The following FGF12 variants were observed in gnomAD, a reference collection of about 807,000 sequenced individuals.
FGF12 encodes the protein fibroblast growth factor 12B.
FGF12 carries 14 observed loss-of-function variants against 23.6 expected under a neutral mutation model. The ratio of observed to expected loss-of-function variants is 0.59; its 90% CI spans 0.39 to 0.93. The LOEUF is 0.93. Ranked by LOEUF, FGF12 falls within the 40% of genes least tolerant of loss-of-function variation. The pLI, the probability that FGF12 is intolerant of heterozygous loss-of-function variation, is 0.00. For missense variants in FGF12, 175 were observed against 217.8 expected (o/e 0.80, Z 1.24); for synonymous variants, 62 against 77.3 (o/e 0.80, Z 1.04).
At chr3:192,273,206 G>A (rs1416653453) in intron 4 of FGF12, among the ~76,000 whole-genome samples, 1 of 152,096 alleles carries the variant, frequency 6.6e-6, no homozygotes, top group African/African-American at 2.4e-5. Context: ...GTGTTAATGG[G>A]GAAATCCATT....
intron 4 of FGF12, among the ~76,000 whole-genome samples, chr3:192,312,864 T>TAA (rs1716031908): frequency 6.6e-6 from 1 of 152,202 alleles, no homozygotes; most frequent in Admixed American, 6.5e-5. Context: ...CGTATAGTGT[T>TAA]TGCCTTTGTC....
rs573154456 is a variant in FGF12 at position 192,177,940 on chromosome 3, G to A, written c.229-7284C>T. On this transcript the variant is annotated intron_variant, in intron 4 of 5. Transcript: ENST00000445105. ...CCCTTTCTGGCATTATAACACATATGAATTTGTTTAAGCTTCTTGAAAGTA... is the reference window on the plus strand; with the variant it reads ...CCCTTTCTGGCATTATAACACATATAAATTTGTTTAAGCTTCTTGAAAGTA... Among the ~76,000 whole-genome samples the A allele has an allele frequency of 3.3e-5, 5 of 151,844 alleles. No individual in the cohort carries two copies. The South Asian group carries it at 6.3e-4, about 19-fold the overall frequency.
intron 2 of FGF12, among the ~76,000 whole-genome samples, chr3:192,372,538 C>T (rs1719283886): frequency 6.6e-6 from 1 of 152,158 alleles, no homozygotes. Flanking sequence ...CTGGTAAATT[C>T]AGGCACCGTG....
intron 2 of FGF12, among the ~76,000 whole-genome samples, chr3:192,596,356 T>G (rs1184823368): frequency 6.6e-6 from 1 of 152,050 alleles, no homozygotes; most frequent in East Asian, 1.9e-4. Context: ...CTCAGTGCAG[T>G]GTCTAACGTA....
intron 2 of FGF12, among the ~76,000 whole-genome samples, chr3:192,680,746 C>T (rs575009442): frequency 5.9e-5 from 9 of 152,160 alleles, no homozygotes; most frequent in Non-Finnish European, 1.2e-4. Flanking sequence ...TGAGGGTCCT[C>T]CTAGCTCCCA....
intron 2 of FGF12, among the ~76,000 whole-genome samples, chr3:192,648,142 T>C (rs1293316907): frequency 6.6e-6 from 1 of 152,034 alleles, no homozygotes; most frequent in African/African-American, 2.4e-5. Context: ...TCCAATACAT[T>C]CTGACATGAC....
At chr3:192,321,409 C>T (rs1247625528) in intron 4 of FGF12, among the ~76,000 whole-genome samples, 1 of 147,072 alleles carries the variant, frequency 6.8e-6, no homozygotes, top group Non-Finnish European at 1.5e-5. Context: ...CCTACTGTAA[C>T]AATTTCAAAA....
chr3:192,713,558 G>A (rs536036813), intron 2 of FGF12, among the ~76,000 whole-genome samples: 1 of 152,262 alleles, frequency 6.6e-6, no homozygotes, highest in South Asian at 2.1e-4. Context: ...AGTATCACAG[G>A]AGATTGCAGT....
chr3:192,722,877 C>T (rs1270213058), intron 2 of FGF12, among the ~76,000 whole-genome samples: 1 of 152,088 alleles, frequency 6.6e-6, no homozygotes, highest in Non-Finnish European at 1.5e-5. Context: ...CTTTCACATT[C>T]TCAGAAATAA....
At chr3:192,464,228 C>T (rs1722942498) in intron 2 of FGF12, among the ~76,000 whole-genome samples, 1 of 152,098 alleles carries the variant, frequency 6.6e-6, no homozygotes, top group African/African-American at 2.4e-5. Context: ...GAATTTGGTG[C>T]ACCCATCACC....
intron 4 of FGF12, among the ~76,000 whole-genome samples, chr3:192,231,851 A>G (rs2108585254): frequency 6.6e-6 from 1 of 152,294 alleles, no homozygotes; most frequent in South Asian, 2.1e-4. Flanking sequence ...CTAATAGAAA[A>G]CCATCGACTA....
At position 192,158,330 on chromosome 3, in the gene FGF12, T is replaced by TTCTC. The variant is rs1385652019; in HGVS notation, c.427+12124_427+12127dup. Among the ~76,000 whole-genome samples the TTCTC allele has an allele frequency of 2.5e-3, 200 of 79,680 alleles. 3 individuals carry two copies. The highest frequency in any genetic ancestry group is 6.1e-3 in the Admixed American group (50 of 8,134). 52.3% of individuals were successfully genotyped at this position (79,680 alleles called of 152,430 possible). Reference sequence around the variant, plus strand: ...TTCCCTTTTCTCTTTCTTTCTTTCTTTCTCTTTCTTTCTTTCTTTCTTTCT... The same window carrying TTCTC: ...TTCCCTTTTCTCTTTCTTTCTTTCTTTCTCTCTCTTTCTTTCTTTCTTTCTTTCT... On this transcript the variant is annotated intron_variant, in intron 5 of 5. Transcript: ENST00000445105.
chr3:192,447,630 C>T (rs1463886), intron 2 of FGF12, among the ~76,000 whole-genome samples: 39,914 of 152,100 alleles, frequency 0.26, 9,766 homozygotes, highest in African/African-American at 0.65. Flanking sequence ...CCTAAGCACT[C>T]TTTTCTCATC....
chr3:192,532,068 G>C (rs1208728264), intron 2 of FGF12, among the ~76,000 whole-genome samples: 1 of 152,082 alleles, frequency 6.6e-6, no homozygotes, highest in Non-Finnish European at 1.5e-5. Flanking sequence ...TAAGTGTTTG[G>C]CTTTATTTCT....
intron 2 of FGF12, among the ~76,000 whole-genome samples, chr3:192,620,738 T>C (rs1714942652): frequency 6.6e-6 from 1 of 152,186 alleles, no homozygotes; most frequent in South Asian, 2.1e-4. Flanking sequence ...TGAACTGTCA[T>C]GTACCCAGCT....
At chr3:192,643,840 G>T (rs1274621084) in intron 2 of FGF12, among the ~76,000 whole-genome samples, 1 of 152,198 alleles carries the variant, frequency 6.6e-6, no homozygotes, top group African/African-American at 2.4e-5. Context: ...TGAAAAAACA[G>T]TTGAACTCAT....
Position 192,649,696 on chromosome 3 carries a change from T to A in FGF12, c.13+77485A>T, listed in dbSNP as rs1503596. On this transcript the variant is annotated intron_variant, in intron 2 of 5. Coordinates refer to ENST00000445105, the MANE Select transcript of FGF12 (RefSeq NM_004113.6). Reference sequence around the variant, plus strand: ...CTTCCTAAGTAGGAGTGCGGAATTATAGGCGTGCACCGTCACATGCCTGGC... The same window carrying A: ...CTTCCTAAGTAGGAGTGCGGAATTAAAGGCGTGCACCGTCACATGCCTGGC... Among the ~76,000 whole-genome samples, 3 of 151,524 alleles carry A rather than the reference T, an allele frequency of 2.0e-5. No individual in the cohort carries two copies. In the East Asian group the frequency reaches 5.9e-4, roughly 30 times the overall value.
intron 5 of FGF12, among the ~76,000 whole-genome samples, chr3:192,169,838 A>G (rs114291945): frequency 0.068 from 10,171 of 150,118 alleles, 441 homozygotes; most frequent in African/African-American, 0.11. Flanking sequence ...TTCCTCAGAA[A>G]AAAAAAAACA....
chr3:192,242,286 A>G (rs1051259065), intron 4 of FGF12, among the ~76,000 whole-genome samples: 1 of 152,200 alleles, frequency 6.6e-6, no homozygotes, highest in African/African-American at 2.4e-5. Context: ...GTACTTAAGG[A>G]AGATAATTTT....
Sources: allele counts gnomAD v4.1 joint callset (sites outside exome capture counted in the v4.1 genomes callset), GRCh38; gene constraint gnomAD v4.1.1; transcripts MANE v1.5; gene names NCBI Gene and HGNC (gene_info 2026-07-23, HGNC 2026-07-21).